AFF1: variants seen among roughly 807,000 people sequenced by gnomAD.
AFF1 encodes the protein ALF transcription elongation factor 1.
AFF1 carries 48 observed loss-of-function variants against 121.7 expected under a neutral mutation model. The ratio of observed to expected loss-of-function variants is 0.39; its 90% CI spans 0.31 to 0.50. The LOEUF is 0.50. Among genes scored for constraint, AFF1 ranks in the 20% least tolerant of loss-of-function variants. The pLI is 0.76. For synonymous variants in AFF1, 613 were observed against 563.0 expected (o/e 1.09, Z -1.26); for missense variants, 1,523 against 1,511.7 (o/e 1.01, Z -0.12).
intron 8 of AFF1, among the ~76,000 whole-genome samples, chr4:87,105,117 A>G (rs1442188565): frequency 6.6e-6 from 1 of 152,244 alleles, no homozygotes. Context: ...TGAACTTTTT[A>G]TGTGCCTGGC....
At chr4:87,068,257 G>GTCCCCC (rs1721585457) in intron 4 of AFF1, among the ~76,000 whole-genome samples, 1 of 120,132 alleles carries the variant, frequency 8.3e-6, no homozygotes, top group Non-Finnish European at 1.7e-5. Context: ...CATGAAAATT[G>GTCCCCC]CCCCCCCCCC....
At chr4:87,030,101 G>A (rs1043616504) in intron 2 of AFF1, among the ~76,000 whole-genome samples, 2 of 151,944 alleles carry the variant, frequency 1.3e-5, no homozygotes, top group Admixed American at 6.6e-5. Flanking sequence ...TATTTCAGAA[G>A]CAGTCTCTAT....
Position 87,013,032 on chromosome 4 carries a change from C to CTTTTTTTTTGT in AFF1, c.39-33125_39-33124insGTTTTTTTTTT, listed in dbSNP as rs1391718271. On this transcript the variant is annotated intron_variant, in intron 2 of 20. Transcript: ENST00000395146. ...AACCAGATTGAACTGCTATCAAGTTCTTTTTTTTTTTTTTTTTTTTTTTTT... is the reference window on the plus strand; with the variant it reads ...AACCAGATTGAACTGCTATCAAGTTCTTTTTTTTTGTTTTTTTTTTTTTTTTTTTTTTTTTT... Among the ~76,000 whole-genome samples, 64 of 93,488 alleles carry CTTTTTTTTTGT rather than the reference C, an allele frequency of 6.8e-4. 3 individuals are homozygous for CTTTTTTTTTGT. Among genetic ancestry groups the CTTTTTTTTTGT allele is most frequent in the African/African-American group, 2.7e-3 (62 of 23,258 alleles). 61.3% of individuals were successfully genotyped at this position (93,488 alleles called of 152,430 possible). A position where few individuals can be genotyped will look rare whatever the true frequency, so the allele number is the denominator to read the frequency against.
At chr4:87,072,408 A>G (rs961205460) in intron 4 of AFF1, among the ~76,000 whole-genome samples, 4 of 151,710 alleles carry the variant, frequency 2.6e-5, no homozygotes, top group Non-Finnish European at 5.9e-5. Context: ...CATTAAGAGG[A>G]CATTTATTTT....
At chr4:87,037,697 T>C (rs1350136915) in intron 2 of AFF1, among the ~76,000 whole-genome samples, 2 of 152,174 alleles carry the variant, frequency 1.3e-5, no homozygotes, top group African/African-American at 4.8e-5. Flanking sequence ...GCAAGTTCAT[T>C]TTGAAAGGTA....
chr4:87,064,406 T>C (rs1358445168), intron 4 of AFF1, among the ~76,000 whole-genome samples: 1 of 152,188 alleles, frequency 6.6e-6, no homozygotes, highest in Non-Finnish European at 1.5e-5. Flanking sequence ...ATTCATTCAG[T>C]TTTTGGTTCA....
Position 87,020,683 on chromosome 4 carries a change from A to G in AFF1, c.39-25483A>G, listed in dbSNP as rs1181200899. The G allele has an allele frequency of 8.0e-6, 4 of 499,858 alleles. No individual in the cohort carries two copies. The Admixed American group carries it at 2.6e-4, about 32-fold the overall frequency. 31.0% of individuals were successfully genotyped at this position (499,858 alleles called of 1,614,324 possible). A position where few individuals can be genotyped will look rare whatever the true frequency, so the allele number is the denominator to read the frequency against. ...GTATTTTTAGTGGAGACAGGGTTTC[A>G]CTGTGTTAGCCAGGATGTTCTCAGT... On this transcript the variant is annotated intron_variant, in intron 2 of 20. Coordinates refer to ENST00000395146, the MANE Select transcript of AFF1 (RefSeq NM_001166693.3).
intron 4 of AFF1, among the ~76,000 whole-genome samples, chr4:87,081,340 T>C (rs933984178): frequency 2.0e-5 from 3 of 151,902 alleles, no homozygotes; most frequent in Non-Finnish European, 4.4e-5. Context: ...TTTTTGTATT[T>C]TTAGTAGAGA....
rs991893737 is a variant in AFF1 at position 87,139,334 on chromosome 4, GT to G, written c.*3640del. On this transcript the variant is annotated 3_prime_UTR_variant, in exon 21 of 21. Coordinates refer to ENST00000395146, the MANE Select transcript of AFF1 (RefSeq NM_001166693.3). ...TTGAGGCTTGAGGCTGGGCTTTCGG[GT>G]TTTTTTGTTTTTTGTTTTGTTTTGT... 7 of 232,966 alleles carry G rather than the reference GT, an allele frequency of 3.0e-5. No homozygotes were observed. Among genetic ancestry groups the G allele is most frequent in the Admixed American group, 1.7e-4 (3 of 17,760 alleles). The allele number at this position is 232,966 out of a possible 1,614,324, so 14.4% of individuals were successfully genotyped here.
chr4:87,127,166 T>TCCCCCCCCCCCCCCC (rs367995603), intron 15 of AFF1, 49 bp downstream of exon 15: 3 of 1,012,588 alleles, frequency 3.0e-6, no homozygotes, highest in Admixed American at 2.4e-5. Context: ...TTGTTTTGCT[T>TCCCCCCCCCCCCCCC]CCCCCCCCCA....
At chr4:87,090,194 T>TCA in intron 6 of AFF1, 124 bp downstream of exon 6, 1 of 713,628 alleles carries the variant, frequency 1.4e-6, no homozygotes, top group Non-Finnish European at 2.3e-6. Flanking sequence ...AAAATTATGA[T>TCA]TAATTTAGCT....
chr4:87,033,540 CTTAAA>C (rs1357108343), intron 2 of AFF1, among the ~76,000 whole-genome samples: 3 of 152,150 alleles, frequency 2.0e-5, no homozygotes, highest in Non-Finnish European at 4.4e-5. Context: ...TTTTCTGGTG[CTTAAA>C]TTAAGTAACA....
chr4:87,116,159 A>G (rs929965700), intron 12 of AFF1, among the ~76,000 whole-genome samples: 2 of 152,198 alleles, frequency 1.3e-5, no homozygotes, highest in East Asian at 3.8e-4. Context: ...TCATTGAGTA[A>G]TATAGGCTGA....
intron 10 of AFF1, among the ~76,000 whole-genome samples, chr4:87,106,650 A>C (rs928764512): frequency 6.6e-6 from 1 of 152,246 alleles, no homozygotes; most frequent in Non-Finnish European, 1.5e-5. Context: ...GCCATACTTT[A>C]GGAAATGTGA....
chr4:87,053,366 A>G lies in AFF1; in HGVS notation c.1059+5772A>G, dbSNP rs149988570. Among the ~76,000 whole-genome samples the G allele has an allele frequency of 1.1e-4, 16 of 152,350 alleles. No individual in the cohort carries two copies. The East Asian group carries it at 2.9e-3, about 28-fold the overall frequency. On this transcript the variant is annotated intron_variant, in intron 4 of 20. Transcript: ENST00000395146. ...CACTTTGATTCATTGCAGCTCTTAA[A>G]TTGAGCCTCCTATTTTCAATAAACT...
intron 1 of AFF1, among the ~76,000 whole-genome samples, chr4:86,939,955 A>G (rs1328912349): frequency 6.6e-6 from 1 of 152,234 alleles, no homozygotes; most frequent in Non-Finnish European, 1.5e-5. Context: ...TGAGTCAGAC[A>G]GCTTGGGTTT....
chr4:86,996,787 G>C (rs1490052168), intron 2 of AFF1, among the ~76,000 whole-genome samples: 1 of 152,246 alleles, frequency 6.6e-6, no homozygotes, highest in Non-Finnish European at 1.5e-5. Flanking sequence ...CGATGTGGCA[G>C]TATTAAAAGG....
At position 86,996,439 on chromosome 4, in the gene AFF1, T is replaced by C. The variant is rs545545183; in HGVS notation, c.38+47868T>C. ...TGTGACCTTACCCCCAACCCTGTGCTCTCTGAAACATGTGCTGTATCCACT... is the reference window on the plus strand; with the variant it reads ...TGTGACCTTACCCCCAACCCTGTGCCCTCTGAAACATGTGCTGTATCCACT... On this transcript the variant is annotated intron_variant, in intron 2 of 20. Coordinates refer to ENST00000395146, the MANE Select transcript of AFF1 (RefSeq NM_001166693.3). Among the ~76,000 whole-genome samples, 3 of 151,832 alleles carry C rather than the reference T, an allele frequency of 2.0e-5. No individual in the cohort carries two copies. The East Asian group carries it at 5.8e-4, about 29-fold the overall frequency.
chr4:86,971,629 C>G (rs1450910750), intron 2 of AFF1, among the ~76,000 whole-genome samples: 2 of 152,156 alleles, frequency 1.3e-5, no homozygotes, highest in African/African-American at 4.8e-5. Flanking sequence ...CTGCTGTGTG[C>G]AAAGCACTAT....
Sources: allele counts gnomAD v4.1 joint callset (sites outside exome capture counted in the v4.1 genomes callset), GRCh38; gene constraint gnomAD v4.1.1; transcripts MANE v1.5; gene names NCBI Gene and HGNC (gene_info 2026-07-23, HGNC 2026-07-21).